The following LRP1B variants were observed in gnomAD, a reference collection of about 807,000 sequenced individuals.
LRP1B encodes low-density lipoprotein receptor-related protein 1B.
LRP1B carries 217 observed loss-of-function variants against 556.6 expected under a neutral mutation model. The observed-to-expected ratio is 0.39, with a 90% CI of 0.35 to 0.44. The LOEUF is 0.44. Among genes scored for constraint, LRP1B ranks in the 20% least tolerant of loss-of-function variants. The probability of loss-of-function intolerance (pLI) is 1.00; values close to 1 mark genes in which losing one functional copy is unlikely to be tolerated. For synonymous variants in LRP1B, 2,047 were observed against 1,865.8 expected, an observed-to-expected ratio of 1.10 and a Z score of -2.50; for missense variants, 5,053 against 5,620.8, an observed-to-expected ratio of 0.90 and a Z score of 3.23.
At chr2:140,485,065 C>A (rs1411589321) in intron 59 of LRP1B, among the ~76,000 whole-genome samples, 1 of 152,086 alleles carries the variant, frequency 6.6e-6, no homozygotes, top group African/African-American at 2.4e-5. Context: ...TCAGTGAAAT[C>A]TGTATGTTTT....
At chr2:141,764,532 T>C (rs1015474970) in intron 2 of LRP1B, among the ~76,000 whole-genome samples, 6 of 152,098 alleles carry the variant, frequency 3.9e-5, no homozygotes, top group African/African-American at 7.2e-5. Flanking sequence ...ATCTCTCCCA[T>C]GTGCTCACAG....
intron 1 of LRP1B, among the ~76,000 whole-genome samples, chr2:141,814,013 C>T (rs1180664605): frequency 6.6e-6 from 1 of 152,046 alleles, no homozygotes; most frequent in Admixed American, 6.6e-5. Context: ...GTGTAAAGAA[C>T]CAATTGGAGG....
intron 21 of LRP1B, among the ~76,000 whole-genome samples, chr2:140,915,821 G>A (rs1694558546): frequency 6.6e-6 from 1 of 152,010 alleles, no homozygotes; most frequent in African/African-American, 2.4e-5. Context: ...GAGGTCAGGA[G>A]ATCGAGACCA....
chr2:141,310,351 G>T lies in LRP1B; in HGVS notation c.344-55710C>A, dbSNP rs141012019. ...TATACAAAGTCCTTGACATCTCTGG[G>T]CTTCATTTTGTCCCCTTGCAAAATA... On this transcript the variant is annotated intron_variant, in intron 3 of 90. Transcript: ENST00000389484. 3.7e-4 allele frequency among the ~76,000 whole-genome samples: 57 copies of T among 152,160 alleles called. No homozygotes were observed. In the East Asian group the frequency reaches 9.5e-3, roughly 25 times the overall value.
chr2:141,232,665 C>T (rs919337373), intron 5 of LRP1B, among the ~76,000 whole-genome samples: 1 of 152,080 alleles, frequency 6.6e-6, no homozygotes, highest in Admixed American at 6.5e-5. Context: ...AAAAACATAT[C>T]GACCACTAAT....
intron 2 of LRP1B, among the ~76,000 whole-genome samples, chr2:141,601,642 C>CCTT (rs1553540750): frequency 7.4e-6 from 1 of 136,012 alleles, no homozygotes; most frequent in South Asian, 2.4e-4. Context: ...TTCCTTCCTT[C>CCTT]CTTTTTTTTT....
At chr2:141,237,526 T>C (rs1027039928) in intron 5 of LRP1B, among the ~76,000 whole-genome samples, 2 of 152,052 alleles carry the variant, frequency 1.3e-5, no homozygotes, top group Non-Finnish European at 2.9e-5. Context: ...AATCTTATCT[T>C]TGGCATTGTA....
At chr2:142,052,862 C>T (rs1039326268) in intron 1 of LRP1B, among the ~76,000 whole-genome samples, 1 of 152,136 alleles carries the variant, frequency 6.6e-6, no homozygotes, top group Non-Finnish European at 1.5e-5. Context: ...AAGGTAAGAA[C>T]TCCACAGGGG....
At chr2:141,554,441 C>T (rs1685887707) in intron 2 of LRP1B, among the ~76,000 whole-genome samples, 4 of 150,612 alleles carry the variant, frequency 2.7e-5, no homozygotes, top group African/African-American at 7.3e-5. Context: ...CTGCATATAA[C>T]ACTTCTGTAA....
chr2:140,942,450 GATAC>G (rs1172492829), intron 20 of LRP1B, among the ~76,000 whole-genome samples: 1 of 152,006 alleles, frequency 6.6e-6, no homozygotes, highest in Non-Finnish European at 1.5e-5. Context: ...ATTCCTGCAA[GATAC>G]ATACAAGATG....
intron 18 of LRP1B, among the ~76,000 whole-genome samples, chr2:140,981,679 T>C (rs1696773100): frequency 6.6e-6 from 1 of 152,182 alleles, no homozygotes; most frequent in Non-Finnish European, 1.5e-5. Context: ...GTCAGAATCA[T>C]ACGACTCTAC....
intron 3 of LRP1B, among the ~76,000 whole-genome samples, chr2:141,358,492 C>T (rs529163424): frequency 1.3e-5 from 2 of 152,248 alleles, no homozygotes; most frequent in South Asian, 4.2e-4. Flanking sequence ...AGGTGAGATA[C>T]CCTGAAAGGA....
At chr2:141,047,911 T>A (rs1293952406) in intron 11 of LRP1B, among the ~76,000 whole-genome samples, 1 of 152,134 alleles carries the variant, frequency 6.6e-6, no homozygotes, top group African/African-American at 2.4e-5. Context: ...TATCTGAGTA[T>A]ACCCACATAA....
At chr2:141,403,223 G>C (rs1459881394) in intron 3 of LRP1B, among the ~76,000 whole-genome samples, 1 of 151,848 alleles carries the variant, frequency 6.6e-6, no homozygotes, top group Non-Finnish European at 1.5e-5. Context: ...GTGAGCCTAA[G>C]AGTGTTTATT....
chr2:140,878,659 T>G (rs1253575615), intron 25 of LRP1B, among the ~76,000 whole-genome samples: 1 of 152,100 alleles, frequency 6.6e-6, no homozygotes, highest in Non-Finnish European at 1.5e-5. Flanking sequence ...AGCATCAATC[T>G]AATTTGTAGT....
intron 2 of LRP1B, among the ~76,000 whole-genome samples, chr2:141,573,789 C>G (rs186614099): frequency 6.6e-6 from 1 of 152,030 alleles, no homozygotes; most frequent in Non-Finnish European, 1.5e-5. Context: ...CACAGAAATA[C>G]AAACCACCAT....
chr2:141,111,928 C>T, intron 7 of LRP1B, among the ~76,000 whole-genome samples: 1 of 151,984 alleles, frequency 6.6e-6, no homozygotes, highest in Admixed American at 6.6e-5. Context: ...CACCTGTAGT[C>T]CCAGCTGCTG....
intron 5 of LRP1B, among the ~76,000 whole-genome samples, chr2:141,237,805 A>G (rs1352806148): frequency 1.3e-5 from 2 of 152,004 alleles, no homozygotes; most frequent in African/African-American, 2.4e-5. Context: ...GGCTCTCACA[A>G]TTTCCCTGTT....
chr2:141,433,173 A>G (rs1373637688), intron 3 of LRP1B, among the ~76,000 whole-genome samples: 1 of 151,912 alleles, frequency 6.6e-6, no homozygotes, highest in Non-Finnish European at 1.5e-5. Context: ...TTTAATTTCT[A>G]CTATTATATT....
Sources: gnomAD v4.1 joint callset for allele counts (sites outside exome capture counted in the v4.1 genomes callset) on GRCh38, gnomAD v4.1.1 for gene constraint, MANE v1.5 for transcripts, NCBI Gene and HGNC (gene_info 2026-07-23, HGNC 2026-07-21) for gene names.